Variants in CAPN1 observed in about 807,000 individuals in gnomAD.
CAPN1 encodes calpain 1.
Under a neutral mutation model 105.2 loss-of-function variants are expected in CAPN1, and 77 were observed. That is an observed-to-expected ratio of 0.73 (90% CI 0.61 to 0.88). CAPN1 has a LOEUF of 0.88. Among genes scored for constraint, CAPN1 ranks in the 40% least tolerant of loss-of-function variants. The probability of loss-of-function intolerance (pLI) is 0.00; values close to 1 mark genes in which losing one functional copy is unlikely to be tolerated. For missense variants in CAPN1, 833 were observed against 976.6 expected, an observed-to-expected ratio of 0.85 and a Z score of 1.96; for synonymous variants, 355 against 388.8, an observed-to-expected ratio of 0.91 and a Z score of 1.02.
chr11:65,204,997 C>A, intron 11 of CAPN1, 139 bp downstream of exon 11: 1 of 698,476 alleles, frequency 1.4e-6, no homozygotes, highest in Non-Finnish European at 2.4e-6. Flanking sequence ...ACTCCCCCCA[C>A]CATCCTGAGG....
rs1320484454 is a variant in CAPN1, at chr11:65,204,692, G to C, written c.1175G>C (p.Trp392Ser). The C allele has an allele frequency of 6.2e-7, 1 of 1,611,848 alleles. No individual in the cohort carries two copies. The highest frequency in any genetic ancestry group is 1.7e-5 in the Admixed American group (1 of 60,004). Residue 392 changes from tryptophan (W) to serine (S), a missense_variant, in exon 11 of 22, where the codon TGG (tryptophan) becomes TCG (serine). By Grantham distance (177) the Trp-to-Ser change is radical. Coordinates refer to ENST00000279247, the MANE Select transcript of CAPN1 (RefSeq NM_005186.4). ...CCTCACCTGCCCGCAGCCACCTTCTGGGTGAACCCTCAGTTCAAGATCCGG... is the reference window on the plus strand; with the variant it reads ...CCTCACCTGCCCGCAGCCACCTTCTCGGTGAACCCTCAGTTCAAGATCCGG... ...GGCRNYPATF[W>S]VNPQFKIRLD...
At chr11:65,201,827 G>C (rs866071476) in intron 10 of CAPN1, among the ~76,000 whole-genome samples, 1 of 103,230 alleles carries the variant, frequency 9.7e-6, no homozygotes, top group African/African-American at 3.4e-5. Flanking sequence ...TTTTGTTTTT[G>C]TTTTTTTTTT....
upstream of CAPN1, chr11:65,181,422 C>A (rs1948526379): frequency 8.5e-6 from 2 of 235,710 alleles, no homozygotes; most frequent in East Asian, 1.8e-4. This position sits in a 1 kb window ranked among gnomAD's most constrained non-coding sequence, Gnocchi z 4.6. Flanking sequence ...TAATCTCGGC[C>A]CCGCGCCGGG....
chr11:65,204,781 G>T lies in CAPN1; in HGVS notation c.1264G>T (p.Ala422Ser). ...CGAGTCAGGCTGCAGCTTCGTGCTC[G>T]CCCTTATGCAGAAGCACCGTCGCCG... ...DRESGCSFVL[A>S]LMQKHRRRER... is the part of the protein sequence containing the mutation. The change falls in exon 11 of 22, where the codon GCC becomes TCC. Residue 422 changes from alanine to serine, a missense_variant. Transcript: ENST00000279247. The T allele has an allele frequency of 6.2e-7, 1 of 1,613,022 alleles. No homozygotes were observed. Among genetic ancestry groups the T allele is most frequent in the Admixed American group, 1.7e-5 (1 of 60,018 alleles).
intron 10 of CAPN1, among the ~76,000 whole-genome samples, chr11:65,193,905 C>T (rs921506869): frequency 1.6e-4 from 23 of 147,582 alleles, no homozygotes; most frequent in Non-Finnish European, 2.8e-4. Context: ...GTATTTTTTT[C>T]ATATATCATT....
Position 65,188,229 on chromosome 11 carries a change from G to C in CAPN1, c.930-185G>C. ...TGCGGGCCCCTGTGCCCAGCCGTCGGGTGTGTGCAGGGCATCAGACTGGCC... is the reference window on the plus strand; with the variant it reads ...TGCGGGCCCCTGTGCCCAGCCGTCGCGTGTGTGCAGGGCATCAGACTGGCC... On this transcript the variant is annotated intron_variant, in intron 8 of 21. Transcript: ENST00000279247. The surrounding 1 kb of genome is among the most constrained non-coding windows in gnomAD (Gnocchi z 5.5). 1.5e-6 allele frequency: 1 copy of C among 680,168 alleles called. No homozygotes were observed. The highest frequency in any genetic ancestry group is 2.5e-6 in the Non-Finnish European group (1 of 402,860). The allele number at this position is 680,168 out of a possible 1,614,324, so 42.1% of individuals were successfully genotyped here.
intron 1 of CAPN1, chr11:65,182,342 C>G: frequency 5.1e-6 from 1 of 196,554 alleles, no homozygotes; most frequent in Non-Finnish European, 1.0e-5. Flanking sequence ...GGCCTGTGAA[C>G]AGGATCAAAG....
At chr11:65,182,410 C>T in intron 1 of CAPN1, 1 of 391,898 alleles carries the variant, frequency 2.6e-6, no homozygotes, top group East Asian at 4.2e-5. Context: ...GAGGCTCCGC[C>T]CTGCCCCACC....
chr11:65,210,496 A>C lies in CAPN1; in HGVS notation c.2059+44A>C. ...CTCCCACCCTCCAGCTCCGTCCCAA[A>C]CGCGTCCCCCAGGAGCTGGGGGGAA... On this transcript the variant is annotated intron_variant, in intron 20 of 21. Transcript: ENST00000279247. This position sits in a 1 kb window ranked among gnomAD's most constrained non-coding sequence, Gnocchi z 4.3. The C allele has an allele frequency of 6.8e-6, 8 of 1,173,970 alleles. No homozygotes were observed. The highest frequency in any genetic ancestry group is 1.0e-5 in the Non-Finnish European group (8 of 791,032). The allele number at this position is 1,173,970 out of a possible 1,614,324, so 72.7% of individuals were successfully genotyped here.
chr11:65,190,313 C>T (rs1385554917), intron 10 of CAPN1, among the ~76,000 whole-genome samples: 2 of 152,198 alleles, frequency 1.3e-5, no homozygotes, highest in East Asian at 1.9e-4. Flanking sequence ...GCTAAAACCA[C>T]CCTCTCAAAG....
chr11:65,198,852 GT>G (rs1948828024), intron 10 of CAPN1, among the ~76,000 whole-genome samples: 1 of 151,986 alleles, frequency 6.6e-6, no homozygotes, highest in Non-Finnish European at 1.5e-5. Context: ...TTGGGGGGCA[GT>G]TGACGGAGTC....
chr11:65,192,263 T>C (rs141657999), intron 10 of CAPN1, among the ~76,000 whole-genome samples: 53 of 152,326 alleles, frequency 3.5e-4, no homozygotes, highest in Non-Finnish European at 7.1e-4. Flanking sequence ...ATTGCATTTG[T>C]TGCTTTTCTA....
Position 65,208,877 on chromosome 11 carries a change from G to A in CAPN1, c.1730-446G>A, listed in dbSNP as rs149418599. 4.3e-6 allele frequency: 1 copy of A among 234,538 alleles called. No homozygotes were observed. The highest frequency in any genetic ancestry group is 1.0e-4 in the East Asian group (1 of 9,594). The allele number at this position is 234,538 out of a possible 1,614,324, so 14.5% of individuals were successfully genotyped here. On this transcript the variant is annotated intron_variant, in intron 16 of 21. Coordinates refer to ENST00000279247, the MANE Select transcript of CAPN1 (RefSeq NM_005186.4). The surrounding 1 kb of genome is among the most constrained non-coding windows in gnomAD (Gnocchi z 4.1). ...GGCTGAGTGGCTTGGGGAACACCACGTGACTGGCTTCACTCCCCAGGGCAG... is the reference window on the plus strand; with the variant it reads ...GGCTGAGTGGCTTGGGGAACACCACATGACTGGCTTCACTCCCCAGGGCAG...
At chr11:65,187,797 G>A in intron 7 of CAPN1, 158 bp from the exon 8 acceptor site, 1 of 575,016 alleles carries the variant, frequency 1.7e-6, no homozygotes, top group Non-Finnish European at 3.2e-6. Context: ...TGAGGCAAGA[G>A]AATTGAATTG....
Position 65,205,721 on chromosome 11 carries a change from G to C in CAPN1, c.1353G>C (p.Glu451Asp), listed in dbSNP as rs756243067. ...IGFAVYEVPP[E>D]LVGQPAVHLK... ...TCTCTCTATTGCAGGTCCCTCCGGA[G>C]GTAGGTGTGGCACCATGACCCACCT... The change falls in exon 12 of 22, where the codon GAG (glutamate) becomes GAC (aspartate). Residue 451 changes from glutamate to aspartate, a missense_variant and splice_region_variant. Coordinates refer to ENST00000279247, the MANE Select transcript of CAPN1 (RefSeq NM_005186.4). 3 of 1,613,744 alleles carry C rather than the reference G, an allele frequency of 1.9e-6. No individual in the cohort carries two copies. Among genetic ancestry groups the C allele is most frequent in the Non-Finnish European group, 8.5e-7 (1 of 1,179,726 alleles).
chr11:65,186,459 T>A, intron 6 of CAPN1, 121 bp downstream of exon 6: 1 of 853,426 alleles, frequency 1.2e-6, no homozygotes. Context: ...AAGCTTCATC[T>A]CTGGATGCAT....
At chr11:65,194,522 C>T (rs558559530) in intron 10 of CAPN1, among the ~76,000 whole-genome samples, 1 of 152,174 alleles carries the variant, frequency 6.6e-6, no homozygotes, top group East Asian at 1.9e-4. Context: ...TAAGCATTGC[C>T]GTTATCCAGA....
At chr11:65,190,999 C>T (rs562591296) in intron 10 of CAPN1, among the ~76,000 whole-genome samples, 2 of 152,334 alleles carry the variant, frequency 1.3e-5, no homozygotes, top group African/African-American at 4.8e-5. Context: ...GCCACTGCAT[C>T]TGTCTTAGCT....
chr11:65,208,128 G>A lies in CAPN1; in HGVS notation c.1671+8G>A, dbSNP rs1287448137. Reference sequence around the variant, plus strand: ...AGGCAGCTGGCAGGGGAGGTAGGTTGGGGCATGGCAGGTTGGGAGGGGCCT... The same window carrying A: ...AGGCAGCTGGCAGGGGAGGTAGGTTAGGGCATGGCAGGTTGGGAGGGGCCT... On this transcript the variant is annotated splice_region_variant and intron_variant, in intron 15 of 21. Transcript: ENST00000279247. This position sits in a 1 kb window ranked among gnomAD's most constrained non-coding sequence, Gnocchi z 4.1. 9.3e-6 allele frequency: 15 copies of A among 1,606,758 alleles called. No individual in the cohort carries two copies.
Sources: gnomAD v4.1 joint callset for allele counts (sites outside exome capture counted in the v4.1 genomes callset) on GRCh38, gnomAD v4.1.1 for gene constraint, Gnocchi (gnomAD v3.1) non-coding constraint, MANE v1.5 for transcripts, NCBI Gene and HGNC (gene_info 2026-07-23, HGNC 2026-07-21) for gene names.